Variants in CADPS2 observed in about 807,000 individuals in gnomAD.
CADPS2 encodes the protein calcium dependent secretion activator 2.
Under a neutral mutation model 172.5 loss-of-function variants are expected in CADPS2, and 93 were observed. That is an observed-to-expected ratio of 0.54 (90% CI 0.46 to 0.64). The LOEUF (loss-of-function observed/expected upper bound fraction) is 0.64, where lower values mean the gene tolerates loss of function less well. Among genes scored for constraint, CADPS2 ranks in the 30% least tolerant of loss-of-function variants. The pLI is 0.00. For missense variants in CADPS2, 1,420 were observed against 1,565.9 expected (o/e 0.91, Z 1.57); for synonymous variants, 546 against 555.2 (o/e 0.98, Z 0.23).
intron 17 of CADPS2, among the ~76,000 whole-genome samples, chr7:122,435,247 C>A (rs2050482289): frequency 6.6e-6 from 1 of 152,042 alleles, no homozygotes; most frequent in Non-Finnish European, 1.5e-5. Flanking sequence ...TATTTGCACA[C>A]CATACATTTG....
chr7:122,468,240 A>C (rs1027531806), intron 14 of CADPS2, among the ~76,000 whole-genome samples: 1 of 152,182 alleles, frequency 6.6e-6, no homozygotes. Context: ...GACTCTTTGA[A>C]TATGTGTCTT....
intron 7 of CADPS2, among the ~76,000 whole-genome samples, chr7:122,577,189 T>C (rs2068163406): frequency 6.6e-6 from 1 of 152,106 alleles, no homozygotes; most frequent in African/African-American, 2.4e-5. Context: ...CATGCAGAAC[T>C]GAGTCAATTA....
chr7:122,770,668 A>G (rs2093682308), intron 1 of CADPS2, among the ~76,000 whole-genome samples: 2 of 152,186 alleles, frequency 1.3e-5, no homozygotes, highest in African/African-American at 4.8e-5. Context: ...GCAGAGATCA[A>G]TTATCCAGAG....
chr7:122,478,657 A>G (rs971031772), intron 12 of CADPS2, among the ~76,000 whole-genome samples: 2 of 152,206 alleles, frequency 1.3e-5, no homozygotes, highest in Non-Finnish European at 2.9e-5. Flanking sequence ...GGCTGACAGT[A>G]TCAACTTAAA....
At chr7:122,872,640 C>G (rs1297458142) in intron 1 of CADPS2, among the ~76,000 whole-genome samples, 6 of 151,982 alleles carry the variant, frequency 3.9e-5, no homozygotes, top group Non-Finnish European at 7.4e-5. Flanking sequence ...TTTAACTAAG[C>G]AGTATTTTTA....
chr7:122,557,121 T>C (rs1428332393), intron 7 of CADPS2, among the ~76,000 whole-genome samples: 4 of 152,140 alleles, frequency 2.6e-5, no homozygotes, highest in Admixed American at 6.6e-5. Flanking sequence ...AAATCTTCTG[T>C]TTCTAAGAGA....
At chr7:122,655,674 C>A (rs1467642153) in intron 3 of CADPS2, among the ~76,000 whole-genome samples, 1 of 151,856 alleles carries the variant, frequency 6.6e-6, no homozygotes, top group African/African-American at 2.4e-5. Context: ...ACTGGACCCA[C>A]AATATCTCCA....
At chr7:122,440,270 G>T (rs2051178730) in intron 16 of CADPS2, 1 of 152,116 alleles carries the variant, frequency 6.6e-6, no homozygotes, top group Non-Finnish European at 1.5e-5. Context: ...CCTACTGGGG[G>T]GCAGAAAGGA....
intron 2 of CADPS2, among the ~76,000 whole-genome samples, chr7:122,690,557 C>T (rs2084209044): frequency 6.6e-6 from 1 of 152,328 alleles, no homozygotes; most frequent in East Asian, 1.9e-4. Flanking sequence ...CAGGTTTTGT[C>T]TCCCTACTTT....
intron 13 of CADPS2, among the ~76,000 whole-genome samples, chr7:122,473,993 G>T (rs2056308245): frequency 6.6e-6 from 1 of 152,134 alleles, no homozygotes; most frequent in Admixed American, 6.5e-5. Context: ...GAAATGTGAG[G>T]TGTCAACATC....
chr7:122,679,092 A>G (rs372022587), intron 2 of CADPS2, among the ~76,000 whole-genome samples: 6 of 152,224 alleles, frequency 3.9e-5, no homozygotes, highest in African/African-American at 1.4e-4. Flanking sequence ...GAACAGGGTA[A>G]CAGTGATTTT....
intron 1 of CADPS2, among the ~76,000 whole-genome samples, chr7:122,777,579 A>G (rs1440763946): frequency 2.0e-5 from 3 of 152,116 alleles, no homozygotes; most frequent in Non-Finnish European, 4.4e-5. Flanking sequence ...CCCATGTGTC[A>G]TGGGAGGGAA....
intron 29 of CADPS2, 53 bp downstream of exon 29, chr7:122,325,424 C>A: frequency 8.7e-7 from 1 of 1,148,118 alleles, no homozygotes; most frequent in South Asian, 1.3e-5. Flanking sequence ...AGTATCTTGC[C>A]ATTATTCCTT....
intron 2 of CADPS2, chr7:122,701,990 T>C: frequency 6.2e-7 from 1 of 1,613,694 alleles, no homozygotes; most frequent in Non-Finnish European, 8.5e-7. Context: ...GTTGTCTTCA[T>C]TTAGGTCTAA....
intron 3 of CADPS2, among the ~76,000 whole-genome samples, chr7:122,652,549 C>A (rs1485699893): frequency 6.6e-6 from 1 of 152,098 alleles, no homozygotes; most frequent in East Asian, 1.9e-4. Context: ...ATTAAACTTT[C>A]CACTGACAGA....
At chr7:122,667,789 G>GA (rs1422453801) in intron 2 of CADPS2, among the ~76,000 whole-genome samples, 1 of 150,594 alleles carries the variant, frequency 6.6e-6, no homozygotes, top group Non-Finnish European at 1.5e-5. Context: ...AGGAAAGAGA[G>GA]AAAAAAAAGG....
At chr7:122,551,769 G>A (rs918955256) in intron 8 of CADPS2, among the ~76,000 whole-genome samples, 3 of 152,030 alleles carry the variant, frequency 2.0e-5, no homozygotes, top group Admixed American at 2.0e-4. Context: ...GTTAATTATT[G>A]ATTATAGGAG....
In CADPS2 at chr7:122,399,660, C is replaced by CTTTTTTTTTTT. The variant is rs1008163151; in HGVS notation, c.2747-6089_2747-6079dup. Among the ~76,000 whole-genome samples the CTTTTTTTTTTT allele has an allele frequency of 7.2e-4, 37 of 51,224 alleles. 6 individuals are homozygous for CTTTTTTTTTTT. The highest frequency in any genetic ancestry group is 1.4e-3 in the East Asian group (2 of 1,478). The allele number at this position is 51,224 out of a possible 152,430, so 33.6% of individuals were successfully genotyped here. A position where few individuals can be genotyped will look rare whatever the true frequency, so the allele number is the denominator to read the frequency against. ...CGATAACTCTCTCAAGGGTGGGTTT[C>CTTTTTTTTTTT]TTTTTTTTTTTTTTTTTTTTTTTTT... On this transcript the variant is annotated intron_variant, in intron 20 of 29. Coordinates refer to ENST00000449022, the MANE Select transcript of CADPS2 (RefSeq NM_017954.11).
intron 9 of CADPS2, among the ~76,000 whole-genome samples, chr7:122,505,751 CT>C (rs757601407): frequency 7.2e-5 from 11 of 152,140 alleles, no homozygotes; most frequent in Non-Finnish European, 1.5e-4. Context: ...AAGCTGCAAC[CT>C]ATTAATGCTA....
Sources: allele counts gnomAD v4.1 joint callset (sites outside exome capture counted in the v4.1 genomes callset), GRCh38; gene constraint gnomAD v4.1.1; transcripts MANE v1.5; gene names NCBI Gene and HGNC (gene_info 2026-07-23, HGNC 2026-07-21).